RGS6: variants seen among roughly 807,000 people sequenced by gnomAD.
The protein encoded by RGS6 is regulator of G protein signaling 6, also known as regulator of G-protein signaling 6.
Under a neutral mutation model 78.5 loss-of-function variants are expected in RGS6, and 30 were observed. That is an observed-to-expected ratio of 0.38 (90% CI 0.29 to 0.52). RGS6 has a LOEUF of 0.52. RGS6 is among the 20% of genes least tolerant of loss of function. The pLI is 0.85. For missense variants in RGS6, 495 were observed against 609.7 expected (o/e 0.81, Z 1.98); for synonymous variants, 206 against 206.0 (o/e 1.00, Z 0.00).
intron 17 of RGS6, among the ~76,000 whole-genome samples, chr14:72,557,067 G>A (rs1041354758): frequency 6.6e-6 from 1 of 152,232 alleles, no homozygotes; most frequent in Non-Finnish European, 1.5e-5. Context: ...GCGGAAGGGT[G>A]AGAAAGACAG....
chr14:71,897,373 C>T, the RGS6 span, among the ~76,000 whole-genome samples: 2 of 152,220 alleles, frequency 1.3e-5, no homozygotes, highest in African/African-American at 4.8e-5. Context: ...ATTATATTTA[C>T]TTCCCTACTT....
At chr14:72,272,359 T>G (rs999911127) in intron 2 of RGS6, among the ~76,000 whole-genome samples, 6 of 152,234 alleles carry the variant, frequency 3.9e-5, no homozygotes, top group African/African-American at 1.4e-4. Flanking sequence ...ATCAGGAGAC[T>G]TGGATTTTAG....
chr14:72,311,941 T>C (rs2068722151), intron 2 of RGS6, among the ~76,000 whole-genome samples: 1 of 152,218 alleles, frequency 6.6e-6, no homozygotes, highest in Admixed American at 6.5e-5. Context: ...TCAAGATCGA[T>C]TTCTTCATTT....
intron 3 of RGS6, among the ~76,000 whole-genome samples, chr14:72,453,615 C>CTAA (rs2095553340): frequency 1.9e-5 from 1 of 52,064 alleles, no homozygotes; most frequent in Non-Finnish European, 3.9e-5. Context: ...GACTCCGTCT[C>CTAA]AAAAAAAAAA....
intron 3 of RGS6, among the ~76,000 whole-genome samples, chr14:72,416,764 G>T (rs932345360): frequency 6.6e-6 from 1 of 152,198 alleles, no homozygotes; most frequent in African/African-American, 2.4e-5. Context: ...AAAGAGTGTG[G>T]TTAAGAGTAT....
At chr14:72,400,308 A>T (rs952622556) in intron 3 of RGS6, among the ~76,000 whole-genome samples, 1 of 152,212 alleles carries the variant, frequency 6.6e-6, no homozygotes, top group Non-Finnish European at 1.5e-5. Context: ...TATGAAAGCT[A>T]TTGGAATTGT....
the RGS6 span, among the ~76,000 whole-genome samples, chr14:71,916,288 A>G: frequency 1.3e-5 from 2 of 152,104 alleles, no homozygotes; most frequent in Admixed American, 1.3e-4. Context: ...ACCTGGCTGG[A>G]CCTTCCAGCT....
At chr14:71,930,799 A>T (rs1289331962), upstream of RGS6, among the ~76,000 whole-genome samples, 1 of 151,528 alleles carries the variant, frequency 6.6e-6, no homozygotes, top group Non-Finnish European at 1.5e-5. Flanking sequence ...CTTGGCCAAC[A>T]TGGTGAAACC....
intron 2 of RGS6, among the ~76,000 whole-genome samples, chr14:72,226,833 A>G (rs1001172181): frequency 2.6e-5 from 4 of 152,110 alleles, no homozygotes; most frequent in African/African-American, 9.7e-5. Context: ...CTCCAGGCGC[A>G]TTCCACCATG....
chr14:72,363,080 G>A (rs1013998798), intron 3 of RGS6, among the ~76,000 whole-genome samples: 1 of 152,200 alleles, frequency 6.6e-6, no homozygotes, highest in Non-Finnish European at 1.5e-5. Context: ...ACAGCCACAG[G>A]AATGAAAAGG....
intron 2 of RGS6, among the ~76,000 whole-genome samples, chr14:72,211,960 A>G (rs2044281006): frequency 6.6e-6 from 1 of 152,224 alleles, no homozygotes; most frequent in African/African-American, 2.4e-5. Flanking sequence ...TAGCTTTGCC[A>G]TAACCTGAGA....
the RGS6 span, among the ~76,000 whole-genome samples, chr14:71,893,956 A>G: frequency 3.9e-5 from 6 of 152,190 alleles, no homozygotes; most frequent in African/African-American, 2.4e-5. Context: ...GAGGGGTCTG[A>G]AAGCTCCTTT....
intron 2 of RGS6, among the ~76,000 whole-genome samples, chr14:72,304,765 G>T (rs847361): frequency 0.02 from 3,056 of 152,108 alleles, 51 homozygotes; most frequent in South Asian, 0.04. Flanking sequence ...TGTGGTCCCA[G>T]GCTACTCGGG....
At chr14:71,981,896 C>T (rs1283802933) in intron 2 of RGS6, among the ~76,000 whole-genome samples, 1 of 149,208 alleles carries the variant, frequency 6.7e-6, no homozygotes, top group Non-Finnish European at 1.5e-5. Flanking sequence ...TCGTTGCCGC[C>T]TTGCAGTTTG....
intron 17 of RGS6, among the ~76,000 whole-genome samples, chr14:72,543,655 T>C (rs10151504): frequency 0.045 from 6,799 of 152,252 alleles, 277 homozygotes; most frequent in African/African-American, 0.1. Context: ...TGGTGATGTC[T>C]AGCCTGCCAC....
the RGS6 span, among the ~76,000 whole-genome samples, chr14:71,911,282 C>G: frequency 2.0e-5 from 3 of 152,136 alleles, no homozygotes; most frequent in Non-Finnish European, 4.4e-5. Context: ...TACTCAACAC[C>G]TCGATTCAAG....
chr14:71,983,961 G>C (rs2094572415), intron 2 of RGS6, among the ~76,000 whole-genome samples: 1 of 152,174 alleles, frequency 6.6e-6, no homozygotes, highest in Non-Finnish European at 1.5e-5. Flanking sequence ...ACAAAGCACT[G>C]TGTGGGGAAT....
chr14:71,935,031 T>G (rs2088810214), intron 1 of RGS6, among the ~76,000 whole-genome samples: 1 of 152,230 alleles, frequency 6.6e-6, no homozygotes, highest in Non-Finnish European at 1.5e-5. Context: ...GCTCTGAACC[T>G]AGGAATGCAT....
the RGS6 span, among the ~76,000 whole-genome samples, chr14:72,614,778 A>AAAAAAAAAAAAAG: frequency 4.3e-5 from 2 of 46,718 alleles, no homozygotes; most frequent in African/African-American, 2.9e-4. Context: ...CAAGCCTCAG[A>AAAAAAAAAAAAAG]AAAAAAAAAA....
Sources: gnomAD v4.1 joint callset for allele counts (sites outside exome capture counted in the v4.1 genomes callset) on GRCh38, gnomAD v4.1.1 for gene constraint, MANE v1.5 for transcripts, NCBI Gene and HGNC (gene_info 2026-07-23, HGNC 2026-07-21) for gene names.